ZNF655: variants seen among roughly 807,000 people sequenced by gnomAD.
The protein encoded by ZNF655 is zinc finger protein 655, also known as Vav-interacting Kruppel-like protein 1.
A neutral mutation model predicts 6.6 loss-of-function variants in ZNF655; 3 were observed. That is an observed-to-expected ratio of 0.46 (90% CI 0.21 to 1.18). The LOEUF is 1.18. ZNF655 is among the 50% of genes most tolerant of loss of function. The probability of loss-of-function intolerance (pLI) is 0.24; values close to 1 mark genes in which losing one functional copy is unlikely to be tolerated. For synonymous variants in ZNF655, 178 were observed against 195.0 expected, an observed-to-expected ratio of 0.91 and a Z score of 0.73; for missense variants, 526 against 572.3, an observed-to-expected ratio of 0.92 and a Z score of 0.83.
chr7:99,572,276 G>A lies in ZNF655; in HGVS notation c.168G>A (p.Leu56=). The A allele has an allele frequency of 1.9e-6, 3 of 1,609,464 alleles. No individual in the cohort carries two copies. Among genetic ancestry groups the A allele is most frequent in the Non-Finnish European group, 2.5e-6 (3 of 1,178,578 alleles). The change falls in exon 3 of 3, where the codon TTG becomes TTA. Residue 56 remains leucine (L), a synonymous_variant. Coordinates refer to ENST00000252713, the MANE Select transcript of ZNF655 (RefSeq NM_138494.3). ...AGACCAGAGAAGAGAACAAGCTGTTGATTCCTAAGCAGAAAATTTCGGAAG... is the reference window on the plus strand; with the variant it reads ...AGACCAGAGAAGAGAACAAGCTGTTAATTCCTAAGCAGAAAATTTCGGAAG... The part of the protein sequence containing the change: ...DGETREENKL[L]IPKQKISEEV...
chr7:99,575,936 T>C lies in ZNF655; in HGVS notation c.*2352T>C, dbSNP rs547752744. The C allele has an allele frequency of 6.6e-6, 1 of 152,350 alleles. No homozygotes were observed. Among genetic ancestry groups the C allele is most frequent in the East Asian group, 1.9e-4 (1 of 5,190 alleles). The allele number at this position is 152,350 out of a possible 1,614,324, so 9.4% of individuals were successfully genotyped here. A position where few individuals can be genotyped will look rare whatever the true frequency, so the allele number is the denominator to read the frequency against. The stretch of plus-strand genomic sequence containing the variant: ...TACCTAACAAGAGTTCATGATTCTT[T>C]AGGTAATGTCAAAACATTTTGTATT... On this transcript the variant is annotated 3_prime_UTR_variant, in exon 3 of 3. Coordinates refer to ENST00000252713, the MANE Select transcript of ZNF655 (RefSeq NM_138494.3).
At position 99,572,945 on chromosome 7, in the gene ZNF655, G is replaced by A. The variant is rs369721452; in HGVS notation, c.837G>A (p.Ala279=). 34 of 1,613,922 alleles carry A rather than the reference G, an allele frequency of 2.1e-5. No homozygotes were observed. The highest frequency in any genetic ancestry group is 1.2e-4 in the African/African-American group (9 of 74,910). ...AAGCATCTGATAAATCCTGTGAAGC[G>A]TCTGATAAATCCTGTAGTCCAAGCT... ...KCEASDKSCE[A]SDKSCSPSSG... The change falls in exon 3 of 3, where the codon GCG becomes GCA. Residue 279 remains alanine, a synonymous_variant. Coordinates refer to ENST00000252713, the MANE Select transcript of ZNF655 (RefSeq NM_138494.3).
intron 2 of ZNF655, chr7:99,564,772 A>G (rs574020734): frequency 1.1e-6 from 1 of 940,112 alleles, no homozygotes; most frequent in South Asian, 4.9e-5. Context: ...ATAGTATGCT[A>G]TAGACTGAAC....
chr7:99,566,586 C>T (rs1372068802), intron 2 of ZNF655, among the ~76,000 whole-genome samples: 1 of 152,106 alleles, frequency 6.6e-6, no homozygotes, highest in Non-Finnish European at 1.5e-5. Context: ...GAGGCAGGGT[C>T]CCCTCTTGTT....
At chr7:99,559,841 C>G (rs918244820) in intron 1 of ZNF655, among the ~76,000 whole-genome samples, 1 of 143,456 alleles carries the variant, frequency 7.0e-6, no homozygotes, top group East Asian at 2.0e-4. Flanking sequence ...TTGTCCAGGA[C>G]GGTCTGGAAC....
At chr7:99,570,832 T>A (rs1803998498) in intron 2 of ZNF655, 1 of 153,210 alleles carries the variant, frequency 6.5e-6, no homozygotes, top group Admixed American at 6.5e-5. Context: ...GCTGGACACA[T>A]TTAAAAACTG....
chr7:99,572,786 C>T lies in ZNF655; in HGVS notation c.678C>T (p.Ala226=). 1.9e-6 allele frequency: 3 copies of T among 1,613,336 alleles called. No homozygotes were observed. Among genetic ancestry groups the T allele is most frequent in the South Asian group, 1.1e-5 (1 of 91,006 alleles). ...VCGKIFHQSS[A]LTRHQRIHTR... ...GGAAAATTTTCCATCAGAGCTCAGC[C>T]CTTACTAGACATCAGAGAATCCATA... The change falls in exon 3 of 3, where the codon GCC becomes GCT. Residue 226 remains alanine, a synonymous_variant. Transcript: ENST00000252713.
chr7:99,563,026 A>G (rs1048499032), intron 2 of ZNF655, among the ~76,000 whole-genome samples: 1 of 152,104 alleles, frequency 6.6e-6, no homozygotes, highest in African/African-American at 2.4e-5. Context: ...AGAACTTGAG[A>G]TGTCATTTGA....
chr7:99,571,401 T>C, intron 2 of ZNF655: 1 of 1,229,636 alleles, frequency 8.1e-7, no homozygotes, highest in Non-Finnish European at 1.0e-6. Flanking sequence ...AGAGTGATAA[T>C]GATAACTTCT....
At chr7:99,562,529 G>T in intron 2 of ZNF655, 1 of 1,595,904 alleles carries the variant, frequency 6.3e-7, no homozygotes, top group South Asian at 1.1e-5. Context: ...TTATCTATTT[G>T]AATTTCTTTA....
intron 2 of ZNF655, chr7:99,562,515 C>T (rs369953581): frequency 5.6e-5 from 90 of 1,603,392 alleles, no homozygotes; most frequent in Non-Finnish European, 5.7e-5. Context: ...CCTTATTATT[C>T]GGTTTATCTA....
intron 2 of ZNF655, chr7:99,570,878 T>C (rs562622219): frequency 6.5e-6 from 1 of 154,888 alleles, no homozygotes; most frequent in East Asian, 1.9e-4. Flanking sequence ...TTCTGTCTCC[T>C]TGGAAGCAGA....
chr7:99,564,416 C>T, intron 2 of ZNF655: 1 of 1,027,836 alleles, frequency 9.7e-7, no homozygotes, highest in Non-Finnish European at 1.2e-6. Flanking sequence ...GTTTAACATT[C>T]TGGTTTCCTC....
rs150582115 is a variant in ZNF655, at chr7:99,565,081, G to A, written c.136+4386G>A. Among the ~76,000 whole-genome samples the A allele has an allele frequency of 2.6e-5, 4 of 152,048 alleles. No homozygotes were observed. In the South Asian group the frequency reaches 6.2e-4, roughly 24 times the overall value. On this transcript the variant is annotated intron_variant, in intron 2 of 2. Transcript: ENST00000252713. ...TTATGTCCCGCTGCTCAAGGTCATC[G>A]CCAAGGTCTGATTTTTAACAAAAAT... is the stretch of plus-strand genomic sequence containing the variant.
intron 2 of ZNF655, chr7:99,563,749 T>C: frequency 1.6e-6 from 2 of 1,283,152 alleles, no homozygotes; most frequent in Non-Finnish European, 2.1e-6. Context: ...AGGGCATTGC[T>C]TTGTCTCCCT....
Position 99,573,922 on chromosome 7 carries a change from C to A in ZNF655, c.*338C>A. 1 of 244,976 alleles carries A rather than the reference C, an allele frequency of 4.1e-6. No individual in the cohort carries two copies. Among genetic ancestry groups the A allele is most frequent in the East Asian group, 8.8e-5 (1 of 11,332 alleles). The allele number at this position is 244,976 out of a possible 1,614,324, so 15.2% of individuals were successfully genotyped here. A position where few individuals can be genotyped will look rare whatever the true frequency, so the allele number is the denominator to read the frequency against. On this transcript the variant is annotated 3_prime_UTR_variant, in exon 3 of 3. Coordinates refer to ENST00000252713, the MANE Select transcript of ZNF655 (RefSeq NM_138494.3). ...ACATGGGAATAAAATTCCATTGCTGCAATGAATGTGAAAAAGCCATCAGTC... is the reference window on the plus strand; with the variant it reads ...ACATGGGAATAAAATTCCATTGCTGAAATGAATGTGAAAAAGCCATCAGTC...
chr7:99,562,850 A>G (rs531627631), intron 2 of ZNF655, among the ~76,000 whole-genome samples: 2 of 152,272 alleles, frequency 1.3e-5, no homozygotes, highest in East Asian at 1.9e-4. Context: ...ACCTCCAACC[A>G]GACACTTTCC....
chr7:99,562,008 C>A, intron 2 of ZNF655: 1 of 1,504,450 alleles, frequency 6.6e-7, no homozygotes, highest in Non-Finnish European at 9.0e-7. Flanking sequence ...TCCTCAGGGA[C>A]TATTGCTACT....
chr7:99,568,023 C>T (rs1314199213), intron 2 of ZNF655, among the ~76,000 whole-genome samples: 2 of 147,844 alleles, frequency 1.4e-5, no homozygotes, highest in Admixed American at 1.4e-4. Context: ...CATGCCATTG[C>T]ACTCCAGCCT....
Sources: allele counts gnomAD v4.1 joint callset (sites outside exome capture counted in the v4.1 genomes callset), GRCh38; gene constraint gnomAD v4.1.1; transcripts MANE v1.5; gene names NCBI Gene and HGNC (gene_info 2026-07-23, HGNC 2026-07-21).